GRM7: variants seen among roughly 807,000 people sequenced by gnomAD.
GRM7 encodes glutamate metabotropic receptor 7.
A neutral mutation model predicts 84.5 loss-of-function variants in GRM7; 35 were observed. That is an observed-to-expected ratio of 0.41 (90% CI 0.32 to 0.55). GRM7 has a LOEUF of 0.55. GRM7 is among the 20% of genes least tolerant of loss of function. The pLI is 0.19. For synonymous variants in GRM7, 487 were observed against 455.1 expected, an observed-to-expected ratio of 1.07 and a Z score of -0.89; for missense variants, 1,003 against 1,194.6, an observed-to-expected ratio of 0.84 and a Z score of 2.36.
At chr3:7,550,575 CTCTG>C (rs1189316205) in intron 7 of GRM7, among the ~76,000 whole-genome samples, 29 of 40,644 alleles carry the variant, frequency 7.1e-4, no homozygotes, top group Admixed American at 2.5e-3. Context: ...CTCTCTCTCT[CTCTG>C]TGTGTGTGTG....
intron 1 of GRM7, among the ~76,000 whole-genome samples, chr3:6,907,183 G>T (rs145755360): frequency 6.6e-6 from 1 of 152,168 alleles, no homozygotes; most frequent in African/African-American, 2.4e-5. Context: ...AGAAATACAG[G>T]CATGAGCCAC....
intron 1 of GRM7, among the ~76,000 whole-genome samples, chr3:7,092,578 G>A (rs993435850): frequency 8.6e-5 from 12 of 139,444 alleles, no homozygotes; most frequent in African/African-American, 3.4e-4. Context: ...GATGTTTTCA[G>A]CTGTAAAAAT....
intron 4 of GRM7, among the ~76,000 whole-genome samples, chr3:7,335,782 A>G (rs555602095): frequency 1.3e-5 from 2 of 152,176 alleles, no homozygotes; most frequent in East Asian, 1.9e-4. Flanking sequence ...GAACACCTTT[A>G]TGCACACAAA....
At chr3:7,390,799 G>A (rs940094093) in intron 4 of GRM7, among the ~76,000 whole-genome samples, 1 of 151,720 alleles carries the variant, frequency 6.6e-6, no homozygotes, top group Non-Finnish European at 1.5e-5. Flanking sequence ...CTTGGGTCTG[G>A]TTGAGTTTTT....
At chr3:7,220,357 A>G (rs1451967939) in intron 2 of GRM7, among the ~76,000 whole-genome samples, 1 of 152,226 alleles carries the variant, frequency 6.6e-6, no homozygotes, top group Non-Finnish European at 1.5e-5. Context: ...TGTAATGAGC[A>G]TAGCACTTTA....
intron 1 of GRM7, among the ~76,000 whole-genome samples, chr3:7,058,277 A>G (rs1697303802): frequency 1.3e-5 from 2 of 151,942 alleles, no homozygotes; most frequent in African/African-American, 4.8e-5. Flanking sequence ...TGAAGTCTCA[A>G]ACAAATATTT....
At chr3:7,152,661 G>A (rs1447248923) in intron 2 of GRM7, among the ~76,000 whole-genome samples, 1 of 152,172 alleles carries the variant, frequency 6.6e-6, no homozygotes, top group Non-Finnish European at 1.5e-5. Flanking sequence ...ACACCTTGGA[G>A]AAAGCTCTCT....
Position 7,151,017 on chromosome 3 carries a change from C to T in GRM7, c.736+4349C>T, listed in dbSNP as rs948183470. Among the ~76,000 whole-genome samples, 8 of 152,086 alleles carry T rather than the reference C, an allele frequency of 5.3e-5. No homozygotes were observed. Among genetic ancestry groups the T allele is most frequent in the African/African-American group, 1.9e-4 (8 of 41,396 alleles). ...CATCATACATGTCGACTTCTCAAAA[C>T]CTAAAAGATCTATCCATTTGATATT... is the stretch of plus-strand genomic sequence containing the variant. On this transcript the variant is annotated intron_variant, in intron 2 of 9. Coordinates refer to ENST00000357716, the MANE Select transcript of GRM7 (RefSeq NM_000844.4). The surrounding 1 kb of genome is among the most constrained non-coding windows in gnomAD (Gnocchi z 4.5).
intron 9 of GRM7, among the ~76,000 whole-genome samples, chr3:7,720,764 A>G (rs1701919416): frequency 1.3e-5 from 2 of 152,384 alleles, no homozygotes; most frequent in Admixed American, 1.3e-4. Flanking sequence ...CTTACTATCC[A>G]GCCATGTCTG....
chr3:7,719,891 G>A (rs1179361554), intron 9 of GRM7, among the ~76,000 whole-genome samples: 3 of 150,902 alleles, frequency 2.0e-5, no homozygotes, highest in Admixed American at 6.6e-5. Context: ...GTTTTTATAC[G>A]GTCACCCTTC....
chr3:7,166,721 T>A (rs1694812175), intron 2 of GRM7, among the ~76,000 whole-genome samples: 1 of 152,184 alleles, frequency 6.6e-6, no homozygotes, highest in African/African-American at 2.4e-5. Flanking sequence ...AGATGCCGCT[T>A]GATGGCACTG....
chr3:6,890,639 G>C (rs892082951), intron 1 of GRM7, among the ~76,000 whole-genome samples: 2 of 152,094 alleles, frequency 1.3e-5, no homozygotes, highest in African/African-American at 2.4e-5. Context: ...GCTGAGGAGA[G>C]CTTTACTTCC....
At chr3:7,733,274 T>G (rs1702390491) in intron 9 of GRM7, among the ~76,000 whole-genome samples, 2 of 152,146 alleles carry the variant, frequency 1.3e-5, no homozygotes, top group African/African-American at 4.8e-5. Flanking sequence ...ATGAACACAC[T>G]GAAGAGTGAG....
At chr3:7,505,179 G>A (rs1700003790) in intron 7 of GRM7, among the ~76,000 whole-genome samples, 1 of 152,206 alleles carries the variant, frequency 6.6e-6, no homozygotes, top group South Asian at 2.1e-4. Flanking sequence ...TTTTCACTCT[G>A]TGTTGCCTCC....
At chr3:7,203,720 T>C (rs751750969) in intron 2 of GRM7, among the ~76,000 whole-genome samples, 2 of 152,208 alleles carry the variant, frequency 1.3e-5, no homozygotes, top group African/African-American at 2.4e-5. Flanking sequence ...GAAATGTGTG[T>C]ATGTGTGTTT....
intron 7 of GRM7, among the ~76,000 whole-genome samples, chr3:7,556,856 G>T (rs904110012): frequency 1.3e-5 from 2 of 152,104 alleles, no homozygotes; most frequent in African/African-American, 4.8e-5. Context: ...TTGGGCAAAA[G>T]AAAGAAAAGC....
At chr3:7,252,757 C>T (rs1015524943) in intron 2 of GRM7, among the ~76,000 whole-genome samples, 6 of 144,832 alleles carry the variant, frequency 4.1e-5, no homozygotes, top group Non-Finnish European at 6.0e-5. Flanking sequence ...GGTGTGATCT[C>T]GGCTCACTGC....
intron 1 of GRM7, among the ~76,000 whole-genome samples, chr3:6,951,853 G>A (rs1390299534): frequency 6.6e-6 from 1 of 152,092 alleles, no homozygotes; most frequent in Admixed American, 6.6e-5. Flanking sequence ...TAATTATTGT[G>A]CTTCATATAT....
intron 4 of GRM7, among the ~76,000 whole-genome samples, chr3:7,400,140 A>G (rs977522378): frequency 1.3e-5 from 2 of 152,162 alleles, no homozygotes; most frequent in Non-Finnish European, 2.9e-5. Flanking sequence ...AGGACAAAAT[A>G]TTGTGTCCAT....
Sources: allele counts gnomAD v4.1 joint callset (sites outside exome capture counted in the v4.1 genomes callset), GRCh38; gene constraint gnomAD v4.1.1; non-coding constraint Gnocchi (gnomAD v3.1); transcripts MANE v1.5; gene names NCBI Gene and HGNC (gene_info 2026-07-23, HGNC 2026-07-21).